Variants in STK24 observed in about 807,000 individuals in gnomAD.
STK24 encodes serine/threonine kinase 24.
Under a neutral mutation model 55.6 loss-of-function variants are expected in STK24, and 21 were observed. That is an observed-to-expected ratio of 0.38 (90% CI 0.27 to 0.54). The LOEUF (loss-of-function observed/expected upper bound fraction) is 0.54, where lower values mean the gene tolerates loss of function less well. STK24 is among the 20% of genes least tolerant of loss of function. The pLI is 0.79. For missense variants in STK24, 383 were observed against 538.4 expected (o/e 0.71, Z 2.86); for synonymous variants, 200 against 215.2 (o/e 0.93, Z 0.62).
intron 1 of STK24, among the ~76,000 whole-genome samples, chr13:98,548,053 A>G (rs1740827694): frequency 6.6e-6 from 1 of 152,152 alleles, no homozygotes; most frequent in Non-Finnish European, 1.5e-5. Flanking sequence ...AGCTGACACC[A>G]CATGAAGAGA....
chr13:98,525,462 A>G (rs1201557296), intron 1 of STK24, among the ~76,000 whole-genome samples: 1 of 152,146 alleles, frequency 6.6e-6, no homozygotes, highest in Admixed American at 6.5e-5. Flanking sequence ...ATTCCCCTCC[A>G]AAGTCACCTC....
At chr13:98,487,623 A>G (rs1214436005) in intron 2 of STK24, among the ~76,000 whole-genome samples, 1 of 152,216 alleles carries the variant, frequency 6.6e-6, no homozygotes, top group Non-Finnish European at 1.5e-5. Flanking sequence ...AAACGGTGGC[A>G]TTCTACACAC....
At chr13:98,507,895 C>G (rs1271478554) in intron 2 of STK24, among the ~76,000 whole-genome samples, 1 of 152,132 alleles carries the variant, frequency 6.6e-6, no homozygotes, top group Non-Finnish European at 1.5e-5. Flanking sequence ...CAGATCTCTT[C>G]CCCCAACCCT....
At chr13:98,470,196 C>G (rs1894088799) in intron 5 of STK24, among the ~76,000 whole-genome samples, 1 of 152,192 alleles carries the variant, frequency 6.6e-6, no homozygotes, top group Non-Finnish European at 1.5e-5. Flanking sequence ...GGGACTCACT[C>G]TGTCACCCAG....
chr13:98,559,828 A>G (rs1389906772), intron 1 of STK24, among the ~76,000 whole-genome samples: 1 of 151,474 alleles, frequency 6.6e-6, no homozygotes, highest in Non-Finnish European at 1.5e-5. Context: ...CTAACTTCTC[A>G]TATCTCATAT....
At chr13:98,568,086 G>T (rs113693078) in intron 1 of STK24, among the ~76,000 whole-genome samples, 3,588 of 151,560 alleles carry the variant, frequency 0.024, 153 homozygotes, top group African/African-American at 0.082. Flanking sequence ...TGCAACTTCC[G>T]TCTCCTGGGT....
chr13:98,488,321 T>C (rs1278138566), intron 2 of STK24, among the ~76,000 whole-genome samples: 1 of 152,188 alleles, frequency 6.6e-6, no homozygotes, highest in East Asian at 1.9e-4. Flanking sequence ...AACGAATTCC[T>C]GCTGAAGGCT....
At chr13:98,575,406 T>A (rs5001065) in intron 1 of STK24, among the ~76,000 whole-genome samples, 2 of 148,430 alleles carry the variant, frequency 1.3e-5, no homozygotes, top group Non-Finnish European at 3.0e-5. Flanking sequence ...TGCTTATATA[T>A]ACACACACAC....
At chr13:98,510,700 T>C (rs888243472) in intron 2 of STK24, among the ~76,000 whole-genome samples, 4 of 152,162 alleles carry the variant, frequency 2.6e-5, no homozygotes, top group Non-Finnish European at 5.9e-5. Flanking sequence ...TTATATGAGG[T>C]GTCCAGAATA....
At chr13:98,536,788 C>A (rs1365222926) in intron 1 of STK24, among the ~76,000 whole-genome samples, 1 of 152,174 alleles carries the variant, frequency 6.6e-6, no homozygotes, top group African/African-American at 2.4e-5. Flanking sequence ...AAGCATCACT[C>A]AACAGAACCA....
chr13:98,542,672 G>A (rs1428790651), intron 1 of STK24, among the ~76,000 whole-genome samples: 1 of 151,920 alleles, frequency 6.6e-6, no homozygotes, highest in African/African-American at 2.4e-5. Flanking sequence ...TAAATGCTCG[G>A]GTTTCCCGGT....
At chr13:98,563,477 A>C (rs1373919408) in intron 1 of STK24, among the ~76,000 whole-genome samples, 1 of 152,190 alleles carries the variant, frequency 6.6e-6, no homozygotes, top group Non-Finnish European at 1.5e-5. Flanking sequence ...AAAGAGCGCA[A>C]ATCTCTGTAA....
At position 98,519,352 on chromosome 13, in the gene STK24, A is replaced by G; in HGVS notation, c.164T>C (p.Ile55Thr). 6.2e-7 allele frequency: 1 copy of G among 1,614,216 alleles called. No individual in the cohort carries two copies. ...CTCATCTTCAGCTTCTTCCAGATCA[A>G]TGATCTTTATGGCAACCACTTTCTG... Reference protein sequence around the residue: ...RTQKVVAIKIIDLEEAEDEIE... With the variant: ...RTQKVVAIKITDLEEAEDEIE... Residue 55 changes from isoleucine to threonine, a missense_variant, in exon 2 of 11, where the codon ATT becomes ACT. Coordinates refer to ENST00000539966, the MANE Select transcript of STK24 (RefSeq NM_001032296.4).
chr13:98,457,424 C>A, intron 9 of STK24, 120 bp from the exon 10 acceptor site: 1 of 1,422,902 alleles, frequency 7.0e-7, no homozygotes, highest in Non-Finnish European at 9.5e-7. Flanking sequence ...CCAGGGTGTC[C>A]GGGAAAAGCT....
At chr13:98,467,592 T>C (rs1893971938) in intron 5 of STK24, among the ~76,000 whole-genome samples, 1 of 152,098 alleles carries the variant, frequency 6.6e-6, no homozygotes, top group African/African-American at 2.4e-5. Context: ...TTCTTGCTGA[T>C]GTCATTTACT....
chr13:98,472,794 G>T (rs1366913305), intron 5 of STK24, among the ~76,000 whole-genome samples: 1 of 152,112 alleles, frequency 6.6e-6, no homozygotes, highest in Non-Finnish European at 1.5e-5. Flanking sequence ...TTGACCTTGG[G>T]TAAGTTTTAA....
chr13:98,482,762 C>T (rs549017454), intron 2 of STK24, among the ~76,000 whole-genome samples: 1 of 152,224 alleles, frequency 6.6e-6, no homozygotes, highest in Non-Finnish European at 1.5e-5. Flanking sequence ...TCCTGCAGCA[C>T]TGAGCCTCCC....
intron 2 of STK24, among the ~76,000 whole-genome samples, chr13:98,484,752 C>T (rs1179507888): frequency 2.0e-5 from 3 of 152,094 alleles, no homozygotes; most frequent in Non-Finnish European, 4.4e-5. Context: ...TCGCCCTGAT[C>T]CTTCTGGGGA....
rs1893110652 is a variant in STK24 at position 98,450,012 on chromosome 13, G to T, written c.*3161C>A. 6 of 148,834 alleles carry T rather than the reference G, an allele frequency of 4.0e-5. No individual in the cohort carries two copies. In the South Asian group the frequency reaches 1.3e-3, roughly 32 times the overall value. 9.2% of individuals were successfully genotyped at this position (148,834 alleles called of 1,614,324 possible). A position where few individuals can be genotyped will look rare whatever the true frequency, so the allele number is the denominator to read the frequency against. On this transcript the variant is annotated 3_prime_UTR_variant, in exon 11 of 11. Transcript: ENST00000539966. ...TCATTCCTGGAGACTTGGGGACAAG[G>T]CAGTCTCCTCAGCTATTTATTTCTG... is the stretch of plus-strand genomic sequence containing the variant.
Sources: allele counts gnomAD v4.1 joint callset (sites outside exome capture counted in the v4.1 genomes callset), GRCh38; gene constraint gnomAD v4.1.1; transcripts MANE v1.5; gene names NCBI Gene and HGNC (gene_info 2026-07-23, HGNC 2026-07-21).